The following PDGFRL variants were observed in gnomAD, a reference collection of about 807,000 sequenced individuals.
PDGFRL encodes the protein platelet derived growth factor receptor like, also known as platelet-derived growth factor receptor-like protein.
PDGFRL carries 46 observed loss-of-function variants against 37.2 expected under a neutral mutation model. That is an observed-to-expected ratio of 1.24 (90% CI 0.98 to 1.58). The LOEUF (loss-of-function observed/expected upper bound fraction) is 1.58, where lower values mean the gene tolerates loss of function less well. Ranked by LOEUF, PDGFRL falls within the 40% of genes most tolerant of loss-of-function variation. The probability of loss-of-function intolerance (pLI) is 0.00; values close to 1 mark genes in which losing one functional copy is unlikely to be tolerated. For missense variants in PDGFRL, 692 were observed against 467.6 expected, an observed-to-expected ratio of 1.48 and a Z score of -4.43; for synonymous variants, 251 against 184.3, an observed-to-expected ratio of 1.36 and a Z score of -2.93.
At chr8:17,608,528 C>T (rs1424745206) in intron 2 of PDGFRL, among the ~76,000 whole-genome samples, 2 of 152,184 alleles carry the variant, frequency 1.3e-5, no homozygotes, top group African/African-American at 4.8e-5. Flanking sequence ...GGCACTGTCC[C>T]ATACAAGAGC....
chr8:17,589,871 C>A (rs1439256375), intron 2 of PDGFRL, 106 bp downstream of exon 2: 12 of 675,662 alleles, frequency 1.8e-5, no homozygotes, highest in Middle Eastern at 2.5e-4. Flanking sequence ...TCCATTTTAC[C>A]CTAATAGATC....
At chr8:17,577,200 C>G, upstream of PDGFRL, 1 of 1,585,608 alleles carries the variant, frequency 6.3e-7, no homozygotes, top group African/African-American at 1.3e-5. Flanking sequence ...CCCCTGCGTC[C>G]CCGCCCCGCG....
Position 17,621,192 on chromosome 8 carries a change from C to A in PDGFRL, c.495C>A (p.Ile165=), listed in dbSNP as rs1804624169. 6.2e-7 allele frequency: 1 copy of A among 1,607,044 alleles called. No homozygotes were observed. The highest frequency in any genetic ancestry group is 2.2e-5 in the East Asian group (1 of 44,668). The part of the protein sequence containing the change: ...KDEAKTGSTY[I]FFTEKGELFV... Reference sequence around the variant, plus strand: ...AGGCCAAAACGGGCTCCACCTACATCTTTTTTACAGGTAAAATACTTGGTG... The same window carrying A: ...AGGCCAAAACGGGCTCCACCTACATATTTTTTACAGGTAAAATACTTGGTG... The change falls in exon 3 of 6, where the codon ATC becomes ATA. Residue 165 remains isoleucine, a synonymous_variant. Coordinates refer to ENST00000251630, the MANE Select transcript of PDGFRL (RefSeq NM_001372073.1).
intron 1 of PDGFRL, among the ~76,000 whole-genome samples, chr8:17,581,308 G>T (rs190274653): frequency 6.6e-6 from 1 of 152,276 alleles, no homozygotes; most frequent in Non-Finnish European, 1.5e-5. Context: ...GGCTTGTACC[G>T]GTTGCCAGTG....
At chr8:17,587,847 C>T (rs1032012255) in intron 1 of PDGFRL, among the ~76,000 whole-genome samples, 13 of 152,132 alleles carry the variant, frequency 8.5e-5, no homozygotes, top group African/African-American at 3.1e-4. Context: ...CCAGGCTGGT[C>T]TCAAACTTCT....
intron 3 of PDGFRL, among the ~76,000 whole-genome samples, chr8:17,623,287 T>C (rs1804667172): frequency 6.6e-6 from 1 of 152,174 alleles, no homozygotes; most frequent in Non-Finnish European, 1.5e-5. Context: ...ATAACTGGTG[T>C]TGTCAGGAGA....
At chr8:17,583,374 C>A (rs1028067292) in intron 1 of PDGFRL, among the ~76,000 whole-genome samples, 4 of 152,154 alleles carry the variant, frequency 2.6e-5, no homozygotes, top group Non-Finnish European at 4.4e-5. Flanking sequence ...CTTCACCCAG[C>A]CAAGTTAGAG....
chr8:17,581,964 A>C (rs1803717004), intron 1 of PDGFRL, among the ~76,000 whole-genome samples: 1 of 152,168 alleles, frequency 6.6e-6, no homozygotes. Context: ...TGGGCAGAGA[A>C]TCGGAAGAGT....
rs558345543 is a variant in PDGFRL, at chr8:17,630,609, C to T, written c.799+1829C>T. Among the ~76,000 whole-genome samples, 10 of 152,296 alleles carry T rather than the reference C, an allele frequency of 6.6e-5. No homozygotes were observed. In the South Asian group the frequency reaches 1.4e-3, roughly 22 times the overall value. On this transcript the variant is annotated intron_variant, in intron 4 of 5. Transcript: ENST00000251630. Reference sequence around the variant, plus strand: ...CATGGTGAGTGCAGCAGCTCTGAGTCGGAGGCCACAGTTCCCTCCGCTCCC... The same window carrying T: ...CATGGTGAGTGCAGCAGCTCTGAGTTGGAGGCCACAGTTCCCTCCGCTCCC...
rs191163643 is a variant in PDGFRL, at chr8:17,580,062, C to T, written c.55+2755C>T. Among the ~76,000 whole-genome samples the T allele has an allele frequency of 7.9e-4, 120 of 152,242 alleles. 5 individuals are homozygous for T. In the East Asian group the frequency reaches 0.021, roughly 27 times the overall value. On this transcript the variant is annotated intron_variant, in intron 1 of 5. Transcript: ENST00000251630. ...ACATATTTTTATTGAATGTCAGGAG[C>T]AAACACTGAAGTGTTAATATTGATT...
chr8:17,596,217 G>A (rs1372643769), intron 2 of PDGFRL: 15 of 511,460 alleles, frequency 2.9e-5, no homozygotes, highest in Non-Finnish European at 4.2e-5. Flanking sequence ...ACTGAGCCCC[G>A]TGTGACTCTG....
intron 1 of PDGFRL, among the ~76,000 whole-genome samples, chr8:17,587,227 A>G (rs886985101): frequency 3.9e-5 from 6 of 152,184 alleles, no homozygotes; most frequent in Admixed American, 2.6e-4. Flanking sequence ...CTATTTGGTC[A>G]AAAGGTCAAA....
At chr8:17,623,860 C>G (rs1804682023) in intron 3 of PDGFRL, among the ~76,000 whole-genome samples, 1 of 92,166 alleles carries the variant, frequency 1.1e-5, no homozygotes, top group South Asian at 5.0e-4. Flanking sequence ...GGCGACAGAG[C>G]AAGACTTTAC....
chr8:17,621,270 C>G (rs539055438), intron 3 of PDGFRL, 68 bp downstream of exon 3: 1 of 1,041,540 alleles, frequency 9.6e-7, no homozygotes. Flanking sequence ...GAAGGTTCCC[C>G]CACTGCATGC....
Position 17,623,006 on chromosome 8 carries a change from G to T in PDGFRL, c.505+1804G>T, listed in dbSNP as rs1008645338. 2.6e-5 allele frequency among the ~76,000 whole-genome samples: 4 copies of T among 152,256 alleles called. 1 individual carries two copies. The Middle Eastern group carries it at 0.01, about 388-fold the overall frequency. ...CTTGGTAGGTCAGAGGTTCTCTAAG[G>T]ACATTCCCGTATCTGCTTAGGAGAG... On this transcript the variant is annotated intron_variant, in intron 3 of 5. Transcript: ENST00000251630.
chr8:17,621,185 C>T lies in PDGFRL; in HGVS notation c.488C>T (p.Thr163Ile), dbSNP rs778950666. 31 of 1,608,028 alleles carry T rather than the reference C, an allele frequency of 1.9e-5. No individual in the cohort carries two copies. The highest frequency in any genetic ancestry group is 2.6e-5 in the Non-Finnish European group (30 of 1,175,890). Residue 163 changes from threonine (T) to isoleucine (I), a missense_variant, in exon 3 of 6, where the codon ACC (threonine) becomes ATC (isoleucine). Thr to Ile is a moderately conservative substitution (Grantham distance 89). Coordinates refer to ENST00000251630, the MANE Select transcript of PDGFRL (RefSeq NM_001372073.1). ...CRKDEAKTGS[T>I]YIFFTEKGEL... ...AAGGACGAGGCCAAAACGGGCTCCA[C>T]CTACATCTTTTTTACAGGTAAAATA...
intron 2 of PDGFRL, among the ~76,000 whole-genome samples, chr8:17,602,156 G>A (rs1243853481): frequency 6.6e-6 from 1 of 152,174 alleles, no homozygotes; most frequent in African/African-American, 2.4e-5. Context: ...TAGCAGTTCT[G>A]ACCGGTGTGA....
At chr8:17,588,998 AGAT>A (rs1227769820) in intron 1 of PDGFRL, among the ~76,000 whole-genome samples, 1 of 152,294 alleles carries the variant, frequency 6.6e-6, no homozygotes, top group East Asian at 1.9e-4. Flanking sequence ...ATTAATCAAA[AGAT>A]GATAATTACA....
chr8:17,598,873 C>T (rs868719588), intron 2 of PDGFRL, among the ~76,000 whole-genome samples: 15 of 152,290 alleles, frequency 9.8e-5, no homozygotes, highest in Admixed American at 7.8e-4. Flanking sequence ...TCTTGGTGCT[C>T]ATTCTCTCTT....
Sources: allele counts gnomAD v4.1 joint callset (sites outside exome capture counted in the v4.1 genomes callset), GRCh38; gene constraint gnomAD v4.1.1; transcripts MANE v1.5; gene names NCBI Gene and HGNC (gene_info 2026-07-23, HGNC 2026-07-21).